The following ERBIN variants were observed in gnomAD, a reference collection of about 807,000 sequenced individuals.
ERBIN encodes erbb2 interacting protein.
ERBIN carries 60 observed loss-of-function variants against 158.4 expected under a neutral mutation model. That is an observed-to-expected ratio of 0.38 (90% CI 0.31 to 0.47). ERBIN has a LOEUF of 0.47. Ranked by LOEUF, ERBIN falls within the 20% of genes least tolerant of loss-of-function variation. ERBIN has a pLI of 0.99. For missense variants in ERBIN, 1,610 were observed against 1,648.0 expected (o/e 0.98, Z 0.40); for synonymous variants, 594 against 557.2 (o/e 1.07, Z -0.93).
intron 1 of ERBIN, among the ~76,000 whole-genome samples, chr5:65,978,527 G>A (rs1750288645): frequency 6.6e-6 from 1 of 152,246 alleles, no homozygotes; most frequent in African/African-American, 2.4e-5. Flanking sequence ...GGAAGCCTTA[G>A]TGATCTGAAT....
chr5:66,064,915 G>C (rs1760828266), intron 21 of ERBIN, among the ~76,000 whole-genome samples: 1 of 152,060 alleles, frequency 6.6e-6, no homozygotes, highest in Non-Finnish European at 1.5e-5. Flanking sequence ...GCCCAGGCTG[G>C]TCTCAAACTC....
chr5:66,030,051 G>C (rs761207253), intron 14 of ERBIN, among the ~76,000 whole-genome samples: 1 of 151,644 alleles, frequency 6.6e-6, no homozygotes, highest in African/African-American at 2.4e-5. Context: ...TTTTGTTTTT[G>C]TTTTTTGACA....
At chr5:66,068,966 C>G in intron 21 of ERBIN, 1 of 1,535,680 alleles carries the variant, frequency 6.5e-7, no homozygotes, top group Middle Eastern at 1.7e-4. Flanking sequence ...GCAGCCAGGG[C>G]AGTCTTGCCT....
rs1463157561 is a variant in ERBIN, at chr5:66,072,230, A to G, written c.3695A>G (p.Gln1232Arg). The part of the protein sequence containing the change: ...PCQDGIFISG[Q>R]QNYSSATLSH... ...CAAGATGGTATATTCATTTCAGGACAGCAGAACTACTCATCAGCCACACTT... is the reference window on the plus strand; with the variant it reads ...CAAGATGGTATATTCATTTCAGGACGGCAGAACTACTCATCAGCCACACTT... Residue 1232 changes from glutamine (Q) to arginine (R), a missense_variant, in exon 22 of 26, where the codon CAG becomes CGG. Around this residue, in one of 2 missense-constraint regions of ERBIN, gnomAD observed 1,014 missense variants for 936.1 expected, o/e 1.08. Coordinates refer to ENST00000284037, the MANE Select transcript of ERBIN (RefSeq NM_001253697.2). 8.4e-6 allele frequency: 13 copies of G among 1,550,522 alleles called. No homozygotes were observed. Among genetic ancestry groups the G allele is most frequent in the Non-Finnish European group, 1.0e-5 (12 of 1,146,922 alleles).
intron 1 of ERBIN, among the ~76,000 whole-genome samples, chr5:65,979,921 A>C (rs933526349): frequency 1.3e-5 from 2 of 152,238 alleles, no homozygotes; most frequent in African/African-American, 4.8e-5. Context: ...AAATATACAC[A>C]TACTCTTTTA....
At position 66,024,332 on chromosome 5, in the gene ERBIN, A is replaced by G. The variant is rs1194082463; in HGVS notation, c.699A>G (p.Thr233=). ...TTATTGGTAGTTTGAAACAGCTCAC[A>G]TATTTGGATGTTTCTAAAAATAATA... is the stretch of plus-strand genomic sequence containing the variant. ...PGFIGSLKQL[T]YLDVSKNNIE... The change falls in exon 10 of 26, where the codon ACA becomes ACG. Residue 233 remains threonine, a synonymous_variant. Coordinates refer to ENST00000284037, the MANE Select transcript of ERBIN (RefSeq NM_001253697.2). The G allele has an allele frequency of 1.9e-6, 3 of 1,563,194 alleles. No individual in the cohort carries two copies. The highest frequency in any genetic ancestry group is 2.6e-6 in the Non-Finnish European group (3 of 1,143,142).
At chr5:65,936,858 A>G (rs980557287) in intron 1 of ERBIN, among the ~76,000 whole-genome samples, 13 of 152,248 alleles carry the variant, frequency 8.5e-5, no homozygotes, top group African/African-American at 2.9e-4. Flanking sequence ...ATTGATAGCT[A>G]GCTAGAATCA....
intron 21 of ERBIN, among the ~76,000 whole-genome samples, chr5:66,061,218 T>C (rs757634135): frequency 3.9e-5 from 6 of 152,322 alleles, no homozygotes; most frequent in African/African-American, 1.4e-4. Context: ...GCTTTATGAA[T>C]CTGGGTGCTC....
chr5:65,956,526 C>T (rs34710578), intron 1 of ERBIN, among the ~76,000 whole-genome samples: 2,680 of 150,796 alleles, frequency 0.018, 39 homozygotes, highest in South Asian at 0.037. Flanking sequence ...CCACCACACA[C>T]GCCCAGCTAA....
At chr5:66,016,365 C>G (rs1465977534) in intron 7 of ERBIN, among the ~76,000 whole-genome samples, 1 of 152,052 alleles carries the variant, frequency 6.6e-6, no homozygotes, top group African/African-American at 2.4e-5. Context: ...GATTTTAACA[C>G]CTTTTAGAGA....
At chr5:66,076,577 T>G in intron 24 of ERBIN, 169 bp downstream of exon 24, 1 of 630,330 alleles carries the variant, frequency 1.6e-6, no homozygotes, top group Non-Finnish European at 2.7e-6. Context: ...TCAGTTCAAG[T>G]TAAAACAATT....
intron 1 of ERBIN, among the ~76,000 whole-genome samples, chr5:65,962,260 A>G (rs1237453257): frequency 1.3e-5 from 2 of 152,178 alleles, no homozygotes; most frequent in Non-Finnish European, 2.9e-5. Flanking sequence ...TTTGATTACA[A>G]CATTTCTTCT....
At chr5:66,001,904 G>A (rs774040262) in intron 4 of ERBIN, among the ~76,000 whole-genome samples, 20 of 152,052 alleles carry the variant, frequency 1.3e-4, no homozygotes, top group Middle Eastern at 3.4e-3. Context: ...CTATCAACCC[G>A]TCATCTAGGT....
intron 4 of ERBIN, among the ~76,000 whole-genome samples, chr5:66,008,917 A>G (rs1462372016): frequency 2.0e-5 from 3 of 152,220 alleles, no homozygotes; most frequent in African/African-American, 7.2e-5. Context: ...CATCCACCAC[A>G]TCAGTAGACA....
intron 1 of ERBIN, among the ~76,000 whole-genome samples, chr5:65,980,326 G>T (rs1750514634): frequency 6.6e-6 from 1 of 152,172 alleles, no homozygotes; most frequent in Admixed American, 6.5e-5. Context: ...TACCCAGGAG[G>T]CTGAGGCAGG....
At chr5:66,074,935 G>A (rs971135653) in intron 22 of ERBIN, 89 bp from the exon 23 acceptor site, 18 of 1,158,922 alleles carry the variant, frequency 1.6e-5, no homozygotes, top group African/African-American at 7.7e-5. Context: ...GAAAACTCTA[G>A]TGCTTTTGTA....
chr5:65,985,446 C>G (rs1329420047), intron 1 of ERBIN, among the ~76,000 whole-genome samples: 1 of 152,198 alleles, frequency 6.6e-6, no homozygotes, highest in Non-Finnish European at 1.5e-5. Context: ...TTTACTAAAT[C>G]AGAATCTCTA....
At chr5:66,049,368 G>A (rs367807764) in intron 19 of ERBIN, among the ~76,000 whole-genome samples, 8 of 152,082 alleles carry the variant, frequency 5.3e-5, no homozygotes, top group Admixed American at 2.0e-4. Context: ...ATGTTTAGCC[G>A]TTTGTCTTTA....
chr5:66,025,712 T>A, intron 11 of ERBIN, 136 bp from the exon 12 acceptor site: 1 of 839,848 alleles, frequency 1.2e-6, no homozygotes, highest in Admixed American at 3.0e-5. Context: ...AACCTACTTA[T>A]TGGTGAAGTT....
Sources: gnomAD v4.1 joint callset for allele counts (sites outside exome capture counted in the v4.1 genomes callset) on GRCh38, gnomAD v4.1.1 for gene constraint, gnomAD v4.1.1 regional missense constraint, MANE v1.5 for transcripts, NCBI Gene and HGNC (gene_info 2026-07-23, HGNC 2026-07-21) for gene names.